Variants in ALMS1 observed in about 807,000 individuals in gnomAD.
The protein encoded by ALMS1 is ALMS1 centrosome and basal body associated protein.
A neutral mutation model predicts 352.2 loss-of-function variants in ALMS1; 271 were observed. That is an observed-to-expected ratio of 0.77 (90% CI 0.70 to 0.85). The LOEUF (loss-of-function observed/expected upper bound fraction) is 0.85, where lower values mean the gene tolerates loss of function less well. ALMS1 is among the 40% of genes least tolerant of loss of function. The probability of loss-of-function intolerance (pLI) is 0.00; values close to 1 mark genes in which losing one functional copy is unlikely to be tolerated. For missense variants in ALMS1, 5,445 were observed against 4,870.7 expected (o/e 1.12, Z -3.51); for synonymous variants, 1,865 against 1,761.2 (o/e 1.06, Z -1.48).
intron 14 of ALMS1, among the ~76,000 whole-genome samples, chr2:73,558,576 A>G (rs951786920): frequency 6.6e-6 from 1 of 152,192 alleles, no homozygotes; most frequent in African/African-American, 2.4e-5. Flanking sequence ...ATCAAATGCT[A>G]TATACTTGCT....
At chr2:73,418,908 G>GT (rs1344318614) in intron 2 of ALMS1, among the ~76,000 whole-genome samples, 2 of 151,974 alleles carry the variant, frequency 1.3e-5, no homozygotes, top group African/African-American at 4.8e-5. Flanking sequence ...AGTATAAAAG[G>GT]TTTTTTTGTG....
intron 9 of ALMS1, 133 bp downstream of exon 9, chr2:73,455,428 C>G (rs1260920290): frequency 5.8e-5 from 67 of 1,146,358 alleles, no homozygotes; most frequent in Non-Finnish European, 8.4e-5. Flanking sequence ...GTTTTTGAGA[C>G]AGTCTTGCTC....
chr2:73,442,611 A>G (rs1261042586), intron 7 of ALMS1, among the ~76,000 whole-genome samples: 1 of 152,194 alleles, frequency 6.6e-6, no homozygotes, highest in Non-Finnish European at 1.5e-5. Context: ...AAGAGTCTCG[A>G]TGATTGTTTG....
intron 10 of ALMS1, among the ~76,000 whole-genome samples, chr2:73,500,819 C>T (rs1348720460): frequency 1.3e-5 from 2 of 152,218 alleles, no homozygotes; most frequent in South Asian, 2.1e-4. Flanking sequence ...TTCAATCTGC[C>T]TGCTTCTGTT....
chr2:73,500,303 G>T (rs1287040993), intron 10 of ALMS1, among the ~76,000 whole-genome samples: 3 of 152,166 alleles, frequency 2.0e-5, no homozygotes, highest in Non-Finnish European at 4.4e-5. Flanking sequence ...CAAAGATTTT[G>T]CAGTGCTGTT....
chr2:73,427,652 G>A (rs1165687901), intron 6 of ALMS1, among the ~76,000 whole-genome samples: 1 of 151,984 alleles, frequency 6.6e-6, no homozygotes, highest in South Asian at 2.1e-4. Context: ...CCTACCCCGC[G>A]ACGGGCCCTG....
In ALMS1 at chr2:73,491,301, A is replaced by C. The variant is rs759935236; in HGVS notation, c.9342A>C (p.Leu3114Phe). The change falls in exon 10 of 23, where the codon TTA becomes TTC. Residue 3114 changes from leucine (L) to phenylalanine (F), a missense_variant. Leu to Phe is a conservative substitution (Grantham distance 22). Coordinates refer to ENST00000613296, the MANE Select transcript of ALMS1 (RefSeq NM_001378454.1). ...SKPVAQDQES[L>F]GFLGPKSSLD... ...CTGTAGCACAGGATCAAGAATCTTT[A>C]GGTTTTCTAGGACCTAAATCTTCAC... 4.3e-6 allele frequency: 7 copies of C among 1,614,092 alleles called. No individual in the cohort carries two copies. In the African/African-American group the frequency reaches 9.3e-5, roughly 22 times the overall value.
chr2:73,488,816 A>T (rs1418549101), intron 9 of ALMS1, among the ~76,000 whole-genome samples: 3 of 152,252 alleles, frequency 2.0e-5, no homozygotes, highest in Non-Finnish European at 4.4e-5. Context: ...AAAATACAGA[A>T]ATCTCAAAGA....
intron 10 of ALMS1, among the ~76,000 whole-genome samples, chr2:73,510,609 C>T (rs916053052): frequency 6.6e-6 from 1 of 152,170 alleles, no homozygotes; most frequent in African/African-American, 2.4e-5. Context: ...GGGGCACCCG[C>T]CAGATGCCAG....
chr2:73,601,999 G>A (rs1468855084), intron 19 of ALMS1, among the ~76,000 whole-genome samples, 186 bp from the exon 20 acceptor site: 2 of 152,138 alleles, frequency 1.3e-5, no homozygotes, highest in Non-Finnish European at 2.9e-5. Context: ...TGATCCCTGC[G>A]GTTTCCAAGC....
chr2:73,467,805 C>T (rs1311522358), intron 9 of ALMS1, among the ~76,000 whole-genome samples: 4 of 152,024 alleles, frequency 2.6e-5, no homozygotes, highest in Admixed American at 2.0e-4. Context: ...AGCTGTCACA[C>T]ACGTTATGGT....
intron 6 of ALMS1, among the ~76,000 whole-genome samples, chr2:73,428,741 T>A (rs895593492): frequency 2.6e-5 from 4 of 152,316 alleles, no homozygotes; most frequent in African/African-American, 9.6e-5. Flanking sequence ...TCTGTCTTAG[T>A]CTTAGATCTA....
chr2:73,519,869 A>G lies in ALMS1; in HGVS notation c.9634A>G (p.Thr3212Ala). The G allele has an allele frequency of 1.2e-6, 2 of 1,614,082 alleles. No homozygotes were observed. Among genetic ancestry groups the G allele is most frequent in the Non-Finnish European group, 8.5e-7 (1 of 1,179,972 alleles). The change falls in exon 11 of 23, where the codon ACC (threonine) becomes GCC (alanine). Residue 3212 changes from threonine (T) to alanine (A), a missense_variant. Coordinates refer to ENST00000613296, the MANE Select transcript of ALMS1 (RefSeq NM_001378454.1). ...TQITTESPEK[T>A]LFSSEIFINA... ...GATAACAACAGAAAGTCCAGAAAAG[A>G]CCCTATTTTCATCTGAGATTTTTAT...
chr2:73,448,220 A>G lies in ALMS1; in HGVS notation c.1693A>G (p.Thr565Ala). 1 of 1,614,102 alleles carries G rather than the reference A, an allele frequency of 6.2e-7. No individual in the cohort carries two copies. Among genetic ancestry groups the G allele is most frequent in the Non-Finnish European group, 8.5e-7 (1 of 1,179,960 alleles). ...TATTCCTGAACCAGCTGACCAGAAGACTGCAACACCAACAGTACTCTCTAG... is the reference window on the plus strand; with the variant it reads ...TATTCCTGAACCAGCTGACCAGAAGGCTGCAACACCAACAGTACTCTCTAG... ...TAIPEPADQK[T>A]ATPTVLSSSH... The change falls in exon 8 of 23, where the codon ACT becomes GCT. Residue 565 changes from threonine (T) to alanine (A), a missense_variant. Physicochemically the swap from Thr to Ala is moderately conservative, Grantham distance 58 (BLOSUM62 0). Coordinates refer to ENST00000613296, the MANE Select transcript of ALMS1 (RefSeq NM_001378454.1).
rs2103797649 is a variant in ALMS1, at chr2:73,455,269, C to A, written c.7648C>A (p.His2550Asn). ...VEEIKAELFG[H>N]GRTTDLSKGL... is the part of the protein sequence containing the mutation. ...AGAGATCAAGGCAGAGTTATTTGGT[C>A]ATGGAAGAACAACTGACTTGTCCAA... The change falls in exon 9 of 23, where the codon CAT becomes AAT. Residue 2550 changes from histidine to asparagine, a missense_variant. By Grantham distance (68) the His-to-Asn change is moderately conservative. Coordinates refer to ENST00000613296, the MANE Select transcript of ALMS1 (RefSeq NM_001378454.1). The A allele has an allele frequency of 1.2e-6, 2 of 1,614,024 alleles. No homozygotes were observed. The highest frequency in any genetic ancestry group is 2.2e-5 in the South Asian group (2 of 91,050).
intron 11 of ALMS1, among the ~76,000 whole-genome samples, chr2:73,530,347 A>G (rs1673882870): frequency 1.3e-5 from 2 of 152,212 alleles, no homozygotes; most frequent in Admixed American, 6.5e-5. Flanking sequence ...GCCCCATGCA[A>G]GTTGAAAACC....
chr2:73,502,848 G>A (rs752710224), intron 10 of ALMS1, among the ~76,000 whole-genome samples: 4 of 152,074 alleles, frequency 2.6e-5, no homozygotes, highest in African/African-American at 7.2e-5. Flanking sequence ...TATTTTGTGG[G>A]GAGGGGAACA....
At chr2:73,487,705 A>G (rs896350447) in intron 9 of ALMS1, among the ~76,000 whole-genome samples, 3 of 152,152 alleles carry the variant, frequency 2.0e-5, no homozygotes, top group African/African-American at 7.2e-5. Context: ...TATGTGGACA[A>G]CTGGAGGGTG....
chr2:73,590,677 C>CTTTTTTTTTTTTT (rs35264211), intron 16 of ALMS1, among the ~76,000 whole-genome samples: 2 of 108,440 alleles, frequency 1.8e-5, no homozygotes, highest in Non-Finnish European at 3.8e-5. Flanking sequence ...TGTTTTATTA[C>CTTTTTTTTTTTTT]TTTTTTTTTT....
Sources: gnomAD v4.1 joint callset for allele counts (sites outside exome capture counted in the v4.1 genomes callset) on GRCh38, gnomAD v4.1.1 for gene constraint, MANE v1.5 for transcripts, NCBI Gene and HGNC (gene_info 2026-07-23, HGNC 2026-07-21) for gene names.